The following SGTB variants were observed in gnomAD, a reference collection of about 807,000 sequenced individuals.
SGTB encodes small glutamine rich tetratricopeptide repeat co-chaperone beta.
A neutral mutation model predicts 43.9 loss-of-function variants in SGTB; 19 were observed. The observed-to-expected ratio is 0.43, with a 90% confidence interval of 0.30 to 0.63. The LOEUF (loss-of-function observed/expected upper bound fraction) is 0.63. SGTB is among the 30% of genes least tolerant of loss of function. The pLI is 0.12. For missense variants in SGTB, 304 were observed against 358.9 expected (o/e 0.85, Z 1.24); for synonymous variants, 116 against 117.3 (o/e 0.99, Z 0.07).
chr5:65,711,545 G>C (rs1758046779), intron 3 of SGTB, among the ~76,000 whole-genome samples: 1 of 152,230 alleles, frequency 6.6e-6, no homozygotes, highest in Non-Finnish European at 1.5e-5. Flanking sequence ...CACAGGCCCA[G>C]ACAATGAAAG....
chr5:65,684,183 C>T (rs1188755083), intron 6 of SGTB, among the ~76,000 whole-genome samples: 1 of 151,812 alleles, frequency 6.6e-6, no homozygotes, highest in African/African-American at 2.4e-5. Flanking sequence ...TTCCCAGACT[C>T]AAGCAATCTT....
chr5:65,701,693 C>A (rs1461673918), intron 5 of SGTB, among the ~76,000 whole-genome samples: 1 of 144,470 alleles, frequency 6.9e-6, no homozygotes, highest in Non-Finnish European at 1.5e-5. Flanking sequence ...AGTGCAGTGG[C>A]GCCATCTTGG....
chr5:65,694,833 A>C (rs1757688426), intron 5 of SGTB, among the ~76,000 whole-genome samples: 1 of 152,210 alleles, frequency 6.6e-6, no homozygotes, highest in Non-Finnish European at 1.5e-5. Flanking sequence ...CAAAGCACAG[A>C]GAGATGTCCC....
At chr5:65,712,496 C>T (rs557456505) in intron 3 of SGTB, among the ~76,000 whole-genome samples, 20 of 152,302 alleles carry the variant, frequency 1.3e-4, no homozygotes, top group Admixed American at 2.6e-4. Flanking sequence ...TAAGGAGCCC[C>T]ATCAATGGGC....
intron 6 of SGTB, among the ~76,000 whole-genome samples, chr5:65,684,504 C>T (rs547056539): frequency 6.6e-6 from 1 of 151,998 alleles, no homozygotes; most frequent in Non-Finnish European, 1.5e-5. Context: ...GGAGAAGGTA[C>T]AAGGGAATGG....
At chr5:65,710,116 T>G (rs1363065808) in intron 3 of SGTB, among the ~76,000 whole-genome samples, 1 of 152,160 alleles carries the variant, frequency 6.6e-6, no homozygotes, top group East Asian at 1.9e-4. Context: ...AATAAAAATA[T>G]AGAAACAACA....
rs1182245470 is a variant in SGTB, at chr5:65,708,409, A to G, written c.274+80T>C. The G allele has an allele frequency of 2.4e-6, 3 of 1,232,992 alleles. No individual in the cohort carries two copies. The African/African-American group carries it at 4.5e-5, about 19-fold the overall frequency. The allele number at this position is 1,232,992 out of a possible 1,614,324, so 76.4% of individuals were successfully genotyped here. ...ACAATCTAGTCTTGGTGGTGTAATCAGAACTATATCAATTGACAGTAATTT... is the reference window on the plus strand; with the variant it reads ...ACAATCTAGTCTTGGTGGTGTAATCGGAACTATATCAATTGACAGTAATTT... On this transcript the variant is annotated intron_variant, in intron 4 of 10. Coordinates refer to ENST00000381007, the MANE Select transcript of SGTB (RefSeq NM_019072.3).
intron 3 of SGTB, among the ~76,000 whole-genome samples, chr5:65,710,682 T>C (rs1244951233): frequency 2.0e-5 from 3 of 152,162 alleles, no homozygotes; most frequent in East Asian, 3.9e-4. Flanking sequence ...AAGCCATAGC[T>C]GTAAAATAGG....
In SGTB at chr5:65,696,391, A is replaced by T. The variant is rs1757714993; in HGVS notation, c.374+7888T>A. Among the ~76,000 whole-genome samples the T allele has an allele frequency of 3.3e-5, 5 of 152,248 alleles. No individual in the cohort carries two copies. The South Asian group carries it at 1.0e-3, about 31-fold the overall frequency. ...AGAAATAAGAACATTGTGTTTGTGTAGAGACAGAAGACATCCAAAACTGTT... is the reference window on the plus strand; with the variant it reads ...AGAAATAAGAACATTGTGTTTGTGTTGAGACAGAAGACATCCAAAACTGTT... On this transcript the variant is annotated intron_variant, in intron 5 of 10. Transcript: ENST00000381007.
rs745675979 is a variant in SGTB at position 65,666,394 on chromosome 5, T to C, written c.*3852A>G. The C allele has an allele frequency of 6.6e-6, 1 of 151,546 alleles. No individual in the cohort carries two copies. The highest frequency in any genetic ancestry group is 1.5e-5 in the Non-Finnish European group (1 of 67,994). 9.4% of individuals were successfully genotyped at this position (151,546 alleles called of 1,614,324 possible). ...CACAATTTGGTACATTAAATGAAAA[T>C]GTCATTTGCATATATAGAACCTGTT... is the stretch of plus-strand genomic sequence containing the variant. On this transcript the variant is annotated 3_prime_UTR_variant, in exon 11 of 11. Coordinates refer to ENST00000381007, the MANE Select transcript of SGTB (RefSeq NM_019072.3).
At chr5:65,693,367 GAA>G (rs1757654239) in intron 5 of SGTB, among the ~76,000 whole-genome samples, 1 of 144,994 alleles carries the variant, frequency 6.9e-6, no homozygotes, top group Non-Finnish European at 1.5e-5. Flanking sequence ...AGGAGAAAAA[GAA>G]AGAAAGAGAA....
chr5:65,687,427 A>G (rs1490233274), intron 5 of SGTB, among the ~76,000 whole-genome samples: 1 of 152,236 alleles, frequency 6.6e-6, no homozygotes, highest in Non-Finnish European at 1.5e-5. Context: ...TGGGTGACAC[A>G]TAGATACATA....
At chr5:65,707,395 T>TACACACACACACACACACACAC (rs35011866) in intron 4 of SGTB, among the ~76,000 whole-genome samples, 1 of 133,658 alleles carries the variant, frequency 7.5e-6, no homozygotes, top group Non-Finnish European at 1.6e-5. Flanking sequence ...GCTGATTTTA[T>TACACACACACACACACACACAC]ACACACACAC....
intron 3 of SGTB, among the ~76,000 whole-genome samples, chr5:65,708,779 T>G (rs1308029902): frequency 6.6e-6 from 1 of 152,192 alleles, no homozygotes; most frequent in Non-Finnish European, 1.5e-5. Context: ...TGGTGGCTCA[T>G]GCCTTAATCC....
rs775363903 is a variant in SGTB at position 65,672,261 on chromosome 5, G to T, written c.702C>A (p.Asn234Lys). 3 of 1,613,916 alleles carry T rather than the reference G, an allele frequency of 1.9e-6. No individual in the cohort carries two copies. Among genetic ancestry groups the T allele is most frequent in the African/African-American group, 1.3e-5 (1 of 74,892 alleles). Residue 234 changes from asparagine to lysine, a missense_variant, in exon 9 of 11, where the codon AAC (asparagine) becomes AAA (lysine). Asn to Lys is a moderately conservative substitution (Grantham distance 94). Transcript: ENST00000381007. ...FISMAASLMQ[N>K]PQVQQLMSGM... is the part of the protein sequence containing the mutation. ...ATACTTACAGCTGTTGAACTTGAGGGTTCTGCATTAAACTTGCCGCCTGGA... is the reference window on the plus strand; with the variant it reads ...ATACTTACAGCTGTTGAACTTGAGGTTTCTGCATTAAACTTGCCGCCTGGA...
At chr5:65,698,519 T>C (rs1757752804) in intron 5 of SGTB, among the ~76,000 whole-genome samples, 1 of 151,896 alleles carries the variant, frequency 6.6e-6, no homozygotes, top group South Asian at 2.1e-4. Flanking sequence ...TCTGGAACCA[T>C]CAAAAATAAA....
At chr5:65,673,519 T>C (rs1006279329) in intron 8 of SGTB, among the ~76,000 whole-genome samples, 1 of 152,140 alleles carries the variant, frequency 6.6e-6, no homozygotes, top group African/African-American at 2.4e-5. Flanking sequence ...AGGACCTAGG[T>C]TGAGTGCTCC....
At chr5:65,713,289 C>G (rs1402460968) in intron 2 of SGTB, among the ~76,000 whole-genome samples, 1 of 151,982 alleles carries the variant, frequency 6.6e-6, no homozygotes, top group African/African-American at 2.4e-5. Flanking sequence ...TCTCCCTTTC[C>G]CTTCTCCTTC....
intron 5 of SGTB, among the ~76,000 whole-genome samples, chr5:65,688,586 A>G (rs1757543728): frequency 6.6e-6 from 1 of 152,164 alleles, no homozygotes; most frequent in African/African-American, 2.4e-5. Context: ...CTTGCTAAAC[A>G]CCTTCAGGAA....
Sources: gnomAD v4.1 joint callset for allele counts (sites outside exome capture counted in the v4.1 genomes callset) on GRCh38, gnomAD v4.1.1 for gene constraint, MANE v1.5 for transcripts, NCBI Gene and HGNC (gene_info 2026-07-23, HGNC 2026-07-21) for gene names.